PLCXD3: variants seen among roughly 807,000 people sequenced by gnomAD.
The protein encoded by PLCXD3 is phosphatidylinositol specific phospholipase C X domain containing 3.
PLCXD3 carries 19 observed loss-of-function variants against 25.5 expected under a neutral mutation model. The ratio of observed to expected loss-of-function variants is 0.75; its 90% CI spans 0.52 to 1.09. PLCXD3 has a LOEUF of 1.09. Among genes scored for constraint, PLCXD3 ranks in the 50% least tolerant of loss-of-function variants. The pLI is 0.00. For synonymous variants in PLCXD3, 174 were observed against 137.6 expected, an observed-to-expected ratio of 1.26 and a Z score of -1.85; for missense variants, 411 against 388.1, an observed-to-expected ratio of 1.06 and a Z score of -0.50.
Position 41,403,405 on chromosome 5 carries a change from T to G in PLCXD3, c.104-20871A>C, listed in dbSNP as rs1411286563. Among the ~76,000 whole-genome samples, 4 of 35,420 alleles carry G rather than the reference T, an allele frequency of 1.1e-4. 1 individual carries two copies. Among genetic ancestry groups the G allele is most frequent in the African/African-American group, 3.0e-4 (3 of 9,992 alleles). 23.2% of individuals were successfully genotyped at this position (35,420 alleles called of 152,430 possible). A position where few individuals can be genotyped will look rare whatever the true frequency, so the allele number is the denominator to read the frequency against. ...ACCCAGATTGACTTATTTGTTGTTTTTTTTTTTTTTTATTATACTCTAAGT... is the reference window on the plus strand; with the variant it reads ...ACCCAGATTGACTTATTTGTTGTTTGTTTTTTTTTTTATTATACTCTAAGT... On this transcript the variant is annotated intron_variant, in intron 1 of 2. Transcript: ENST00000377801.
intron 1 of PLCXD3, among the ~76,000 whole-genome samples, chr5:41,468,667 G>A (rs1206232029): frequency 6.6e-6 from 1 of 151,954 alleles, no homozygotes; most frequent in African/African-American, 2.4e-5. Context: ...TTTTCTTTCA[G>A]ATAGTCTGTT....
At chr5:41,449,335 C>A (rs1026410723) in intron 1 of PLCXD3, among the ~76,000 whole-genome samples, 1 of 152,150 alleles carries the variant, frequency 6.6e-6, no homozygotes, top group South Asian at 2.1e-4. Flanking sequence ...GAATGTAAAG[C>A]TGAAATTGTA....
intron 1 of PLCXD3, among the ~76,000 whole-genome samples, chr5:41,402,858 T>G (rs766255296): frequency 1.2e-3 from 185 of 152,204 alleles, no homozygotes; most frequent in Non-Finnish European, 2.2e-3. Context: ...TATCATATCA[T>G]TTTTGTATTT....
intron 2 of PLCXD3, among the ~76,000 whole-genome samples, chr5:41,336,803 C>G (rs1408344552): frequency 6.6e-6 from 1 of 152,178 alleles, no homozygotes; most frequent in Non-Finnish European, 1.5e-5. Flanking sequence ...GGCCTTTGTT[C>G]TGACTGCATC....
intron 1 of PLCXD3, among the ~76,000 whole-genome samples, chr5:41,455,894 A>T (rs1457131): frequency 6.6e-6 from 1 of 151,886 alleles, no homozygotes; most frequent in Non-Finnish European, 1.5e-5. Context: ...TGAGAGAACA[A>T]GAAACACAGT....
intron 1 of PLCXD3, among the ~76,000 whole-genome samples, chr5:41,493,783 G>A (rs943623748): frequency 3.9e-5 from 6 of 152,172 alleles, no homozygotes; most frequent in South Asian, 2.1e-4. Flanking sequence ...TTTTAAGCCC[G>A]TCGGAAAAGC....
At chr5:41,428,384 T>TTG (rs1747015531) in intron 1 of PLCXD3, among the ~76,000 whole-genome samples, 1 of 145,624 alleles carries the variant, frequency 6.9e-6, no homozygotes, top group African/African-American at 2.6e-5. Flanking sequence ...GTTTTTTTGT[T>TTG]TTTGTTTTTG....
intron 1 of PLCXD3, among the ~76,000 whole-genome samples, chr5:41,438,647 A>T (rs1747310611): frequency 6.6e-6 from 1 of 151,802 alleles, no homozygotes; most frequent in South Asian, 2.1e-4. Context: ...TGCCCTAATC[A>T]CCCTACAATA....
chr5:41,504,657 T>C (rs1749018729), intron 1 of PLCXD3, among the ~76,000 whole-genome samples: 1 of 152,198 alleles, frequency 6.6e-6, no homozygotes, highest in Non-Finnish European at 1.5e-5. Flanking sequence ...ATACTAGTGA[T>C]ATTTTGGGGA....
chr5:41,384,820 T>G (rs1745586131), intron 1 of PLCXD3, among the ~76,000 whole-genome samples: 1 of 152,032 alleles, frequency 6.6e-6, no homozygotes, highest in South Asian at 2.1e-4. Flanking sequence ...AATAAGGGAA[T>G]GTTAAAAATA....
chr5:41,349,552 C>G (rs529818063), intron 2 of PLCXD3, among the ~76,000 whole-genome samples: 2 of 152,150 alleles, frequency 1.3e-5, no homozygotes, highest in Non-Finnish European at 2.9e-5. Flanking sequence ...AGAGCACATC[C>G]CACTTCATGC....
At chr5:41,410,563 C>T (rs1357221947) in intron 1 of PLCXD3, among the ~76,000 whole-genome samples, 1 of 152,134 alleles carries the variant, frequency 6.6e-6, no homozygotes, top group East Asian at 1.9e-4. Context: ...GTTTCAGATT[C>T]TTACTATTAC....
Position 41,317,910 on chromosome 5 carries a change from T to C in PLCXD3, c.813-4140A>G, listed in dbSNP as rs116309079. ...AGACAAATCTAAGAGTTATTGGCCT[T>C]AAATAAGTAGAAAAGAAAGACAAGG... On this transcript the variant is annotated intron_variant, in intron 2 of 2. Coordinates refer to ENST00000377801, the MANE Select transcript of PLCXD3 (RefSeq NM_001005473.3). 7.1e-3 allele frequency among the ~76,000 whole-genome samples: 1,073 copies of C among 152,074 alleles called. 25 individuals carry two copies. The highest frequency in any genetic ancestry group is 0.024 in the African/African-American group (999 of 41,488).
At chr5:41,419,894 A>G (rs1008595471) in intron 1 of PLCXD3, among the ~76,000 whole-genome samples, 12 of 152,204 alleles carry the variant, frequency 7.9e-5, no homozygotes, top group Admixed American at 2.0e-4. Flanking sequence ...AATTATTATG[A>G]TTATGATTAT....
intron 1 of PLCXD3, among the ~76,000 whole-genome samples, chr5:41,505,214 T>C (rs530248418): frequency 2.6e-4 from 40 of 152,004 alleles, no homozygotes; most frequent in African/African-American, 9.2e-4. Flanking sequence ...GAGCTGTGTG[T>C]GAGTGTGTGT....
At chr5:41,445,810 T>C (rs1374964089) in intron 1 of PLCXD3, among the ~76,000 whole-genome samples, 1 of 152,166 alleles carries the variant, frequency 6.6e-6, no homozygotes, top group Non-Finnish European at 1.5e-5. Flanking sequence ...TCACAAAACA[T>C]CGTCCCTATG....
chr5:41,417,910 G>C (rs2150505228), intron 1 of PLCXD3, among the ~76,000 whole-genome samples: 1 of 152,328 alleles, frequency 6.6e-6, no homozygotes. Flanking sequence ...ATGGGCCAAA[G>C]AAAATAGAAT....
chr5:41,321,339 C>T (rs1056522155), intron 2 of PLCXD3, among the ~76,000 whole-genome samples: 11 of 152,136 alleles, frequency 7.2e-5, no homozygotes, highest in African/African-American at 2.6e-4. Context: ...ATCCCATTTA[C>T]AATAGCCACA....
intron 1 of PLCXD3, among the ~76,000 whole-genome samples, chr5:41,423,283 CT>C (rs1746872515): frequency 1.3e-5 from 2 of 151,946 alleles, no homozygotes; most frequent in Non-Finnish European, 2.9e-5. Flanking sequence ...GGTCTAAATG[CT>C]GTGTTTTGTG....
Sources: gnomAD v4.1 joint callset for allele counts (sites outside exome capture counted in the v4.1 genomes callset) on GRCh38, gnomAD v4.1.1 for gene constraint, MANE v1.5 for transcripts, NCBI Gene and HGNC (gene_info 2026-07-23, HGNC 2026-07-21) for gene names.